Variants in PTER observed in about 807,000 individuals in gnomAD.
PTER encodes the protein N-acetyltaurine hydrolase.
PTER carries 38 observed loss-of-function variants against 29.6 expected under a neutral mutation model. The observed-to-expected ratio is 1.28, with a 90% CI of 0.99 to 1.68. The LOEUF is 1.68. Among genes scored for constraint, PTER ranks in the 40% most tolerant of loss-of-function variants. The probability of loss-of-function intolerance (pLI) is 0.00; values close to 1 mark genes in which losing one functional copy is unlikely to be tolerated. For synonymous variants in PTER, 172 were observed against 154.5 expected (o/e 1.11, Z -0.84); for missense variants, 482 against 427.8 (o/e 1.13, Z -1.12).
chr10:16,471,399 T>C (rs1301771174), intron 1 of PTER, among the ~76,000 whole-genome samples: 1 of 152,128 alleles, frequency 6.6e-6, no homozygotes, highest in East Asian at 1.9e-4. Flanking sequence ...CCCATTTTAC[T>C]CCCTTTTACT....
At chr10:16,475,310 T>C (rs902546034) in intron 1 of PTER, among the ~76,000 whole-genome samples, 2 of 152,190 alleles carry the variant, frequency 1.3e-5, no homozygotes, top group African/African-American at 4.8e-5. Flanking sequence ...ATTTGGGATC[T>C]TGGCTGGACT....
intron 3 of PTER, 26 bp downstream of exon 3, chr10:16,486,643 T>G: frequency 1.3e-6 from 2 of 1,587,604 alleles, no homozygotes; most frequent in South Asian, 1.1e-5. Context: ...TACAAATGGA[T>G]GCAAACTGCC....
downstream of PTER, among the ~76,000 whole-genome samples, chr10:16,517,947 C>T (rs1380418517): frequency 6.6e-6 from 1 of 152,124 alleles, no homozygotes; most frequent in Non-Finnish European, 1.5e-5. Context: ...AATAAAATGG[C>T]TCTCATATGG....
chr10:16,478,750 C>A (rs2133436889), intron 1 of PTER, among the ~76,000 whole-genome samples: 1 of 152,294 alleles, frequency 6.6e-6, no homozygotes, highest in African/African-American at 2.4e-5. Flanking sequence ...ATCTGCTCAA[C>A]CCTGGTGACT....
chr10:16,445,027 G>T (rs1170520022), intron 1 of PTER, among the ~76,000 whole-genome samples: 1 of 152,194 alleles, frequency 6.6e-6, no homozygotes, highest in South Asian at 2.1e-4. Flanking sequence ...ATGAGTAGGG[G>T]TTCACTACAC....
chr10:16,451,341 A>G (rs1176175560), intron 1 of PTER, among the ~76,000 whole-genome samples: 4 of 152,220 alleles, frequency 2.6e-5, no homozygotes, highest in African/African-American at 4.8e-5. Context: ...AGACATACTC[A>G]GGAACTATAC....
intron 1 of PTER, among the ~76,000 whole-genome samples, chr10:16,444,034 G>A (rs753646877): frequency 6.9e-6 from 1 of 144,822 alleles, no homozygotes; most frequent in Non-Finnish European, 1.5e-5. Context: ...ATGGAGTCTC[G>A]CTCTGTTGCC....
At chr10:16,505,310 G>T in intron 4 of PTER, 150 bp downstream of exon 4, 1 of 1,024,634 alleles carries the variant, frequency 9.8e-7, no homozygotes. Context: ...GTTTCAGGGA[G>T]AAAAATCTCT....
intron 3 of PTER, among the ~76,000 whole-genome samples, chr10:16,496,874 C>T (rs1215580453): frequency 1.3e-5 from 2 of 151,856 alleles, no homozygotes; most frequent in East Asian, 3.9e-4. Flanking sequence ...TGATAAACTA[C>T]ACCCTTATAT....
At chr10:16,457,634 C>T (rs1236854894) in intron 1 of PTER, among the ~76,000 whole-genome samples, 1 of 152,068 alleles carries the variant, frequency 6.6e-6, no homozygotes, top group Non-Finnish European at 1.5e-5. Flanking sequence ...GAGTCTCACT[C>T]TGTCACCCAG....
chr10:16,452,655 CCTG>C (rs979372272), intron 1 of PTER, among the ~76,000 whole-genome samples: 1 of 151,628 alleles, frequency 6.6e-6, no homozygotes, highest in Non-Finnish European at 1.5e-5. Context: ...TTCTTCTTCT[CCTG>C]CTGCTGCTGC....
chr10:16,463,175 G>A (rs1467453343), intron 1 of PTER, among the ~76,000 whole-genome samples: 1 of 147,486 alleles, frequency 6.8e-6, no homozygotes, highest in Non-Finnish European at 1.5e-5. Context: ...ACTCCAGCCT[G>A]GGCGACAGAG....
intron 2 of PTER, among the ~76,000 whole-genome samples, 197 bp from the exon 3 acceptor site, chr10:16,486,155 T>G (rs996611933): frequency 6.6e-6 from 1 of 152,214 alleles, no homozygotes; most frequent in South Asian, 2.1e-4. Flanking sequence ...TATCGAATCT[T>G]GGATTTAGTG....
At chr10:16,457,353 C>T (rs1564388654) in intron 1 of PTER, among the ~76,000 whole-genome samples, 1 of 152,000 alleles carries the variant, frequency 6.6e-6, no homozygotes, top group Admixed American at 6.6e-5. Context: ...GCTGGGACTA[C>T]AGGCGCCCGC....
In PTER at chr10:16,496,545, C is replaced by G. The variant is rs115878161; in HGVS notation, c.699-8475C>G. ...GAATCTTTCTTCAGAATGCAATTCA[C>G]CAGGGGTTTTCTCCTCTATGAAGCT... On this transcript the variant is annotated intron_variant, in intron 3 of 4. Coordinates refer to ENST00000535784, the MANE Select transcript of PTER (RefSeq NM_001261836.2). Among the ~76,000 whole-genome samples the G allele has an allele frequency of 4.6e-3, 699 of 152,274 alleles. 6 individuals carry two copies. Among genetic ancestry groups the G allele is most frequent in the African/African-American group, 0.015 (640 of 41,548 alleles).
intron 1 of PTER, among the ~76,000 whole-genome samples, chr10:16,456,010 C>G (rs551240358): frequency 6.6e-6 from 1 of 152,250 alleles, no homozygotes; most frequent in South Asian, 2.1e-4. Flanking sequence ...GAAACTGAGA[C>G]AGGGAAAATG....
intron 1 of PTER, among the ~76,000 whole-genome samples, chr10:16,437,885 A>T (rs1285223133): frequency 6.6e-6 from 1 of 152,194 alleles, no homozygotes; most frequent in African/African-American, 2.4e-5. Context: ...AGTCAACAGG[A>T]ACTAAAGGTA....
intron 1 of PTER, among the ~76,000 whole-genome samples, chr10:16,460,045 G>C (rs1834555073): frequency 6.6e-6 from 1 of 152,194 alleles, no homozygotes; most frequent in Non-Finnish European, 1.5e-5. Context: ...GCTGCACCCA[G>C]CCCAGGGTTA....
intron 3 of PTER, 172 bp downstream of exon 3, chr10:16,486,789 C>T: frequency 2.7e-6 from 2 of 747,248 alleles, no homozygotes; most frequent in South Asian, 4.1e-5. Context: ...AAAGTCAATG[C>T]TGCCATTTTT....
Sources: gnomAD v4.1 joint callset for allele counts (sites outside exome capture counted in the v4.1 genomes callset) on GRCh38, gnomAD v4.1.1 for gene constraint, MANE v1.5 for transcripts, NCBI Gene and HGNC (gene_info 2026-07-23, HGNC 2026-07-21) for gene names.